Variants in TP63 observed in about 807,000 individuals in gnomAD.
TP63 encodes the protein tumor protein p63, also known as tumor protein 63.
Under a neutral mutation model 82.8 loss-of-function variants are expected in TP63, and 17 were observed. The observed-to-expected ratio is 0.21, with a 90% confidence interval of 0.14 to 0.31. The LOEUF (loss-of-function observed/expected upper bound fraction) is 0.31, where lower values mean the gene tolerates loss of function less well. Ranked by LOEUF, TP63 falls within the 10% of genes least tolerant of loss-of-function variation. TP63 has a pLI of 1.00. For missense variants in TP63, 648 were observed against 895.3 expected, an observed-to-expected ratio of 0.72 and a Z score of 3.52; for synonymous variants, 330 against 321.7, an observed-to-expected ratio of 1.03 and a Z score of -0.28.
chr3:189,720,234 AAAG>A (rs1719280135), intron 1 of TP63, among the ~76,000 whole-genome samples: 2 of 152,236 alleles, frequency 1.3e-5, no homozygotes, highest in African/African-American at 4.8e-5. Context: ...TACAGAAATC[AAAG>A]AACCAGGCCA....
intron 3 of TP63, among the ~76,000 whole-genome samples, chr3:189,757,725 G>A (rs73197825): frequency 0.18 from 27,633 of 152,096 alleles, 2,872 homozygotes; most frequent in Middle Eastern, 0.26. Flanking sequence ...ACAGGAGAGG[G>A]CTCCACCCCC....
intron 1 of TP63, among the ~76,000 whole-genome samples, chr3:189,679,604 T>G (rs970739334): frequency 3.3e-5 from 5 of 152,088 alleles, no homozygotes; most frequent in African/African-American, 1.2e-4. Context: ...CTGTTGATTG[T>G]TTTTTTACTG....
rs905737517 is a variant in TP63 at position 189,880,400 on chromosome 3, A to G, written c.1350-5994A>G. 5.7e-5 allele frequency: 66 copies of G among 1,156,306 alleles called. 1 individual carries two copies. The highest frequency in any genetic ancestry group is 6.6e-5 in the Non-Finnish European group (62 of 937,568). 71.6% of individuals were successfully genotyped at this position (1,156,306 alleles called of 1,614,324 possible). ...AAAGGATGTTTTCTGCAGATTTTGTATCCTTAGACCGGCCATTGGTGGGTG... is the reference window on the plus strand; with the variant it reads ...AAAGGATGTTTTCTGCAGATTTTGTGTCCTTAGACCGGCCATTGGTGGGTG... On this transcript the variant is annotated intron_variant, in intron 10 of 13. Transcript: ENST00000264731.
At chr3:189,893,094 A>G (rs1348522824) in intron 13 of TP63, among the ~76,000 whole-genome samples, 1 of 152,224 alleles carries the variant, frequency 6.6e-6, no homozygotes, top group African/African-American at 2.4e-5. Context: ...AATGTGACCT[A>G]AATTTGGGGA....
chr3:189,853,894 T>C (rs556378191), intron 4 of TP63, among the ~76,000 whole-genome samples: 8 of 152,210 alleles, frequency 5.3e-5, no homozygotes, highest in Non-Finnish European at 1.0e-4. Context: ...GGTTCCTTTA[T>C]ACCCAGTGTA....
chr3:189,746,989 A>G (rs1038641059), intron 3 of TP63, among the ~76,000 whole-genome samples: 11 of 136,442 alleles, frequency 8.1e-5, no homozygotes, highest in South Asian at 4.7e-4. Context: ...ATTTTAAGGG[A>G]AAAAAAAAAA....
At chr3:189,763,495 T>G (rs564221305) in intron 3 of TP63, among the ~76,000 whole-genome samples, 1 of 152,310 alleles carries the variant, frequency 6.6e-6, no homozygotes, top group Middle Eastern at 3.4e-3. Context: ...GATTTCTTAG[T>G]TTGTTATGGA....
chr3:189,730,609 T>C (rs1720094632), intron 1 of TP63, among the ~76,000 whole-genome samples: 2 of 152,198 alleles, frequency 1.3e-5, no homozygotes, highest in African/African-American at 4.8e-5. Context: ...AACGTAAAGA[T>C]CATCATGTAT....
rs1032508961 is a variant in TP63 at position 189,894,605 on chromosome 3, C to G, written c.*103C>G. 1 of 1,392,030 alleles carries G rather than the reference C, an allele frequency of 7.2e-7. No individual in the cohort carries two copies. The highest frequency in any genetic ancestry group is 1.4e-5 in the African/African-American group (1 of 70,196). 86.2% of individuals were successfully genotyped at this position (1,392,030 alleles called of 1,614,324 possible). On this transcript the variant is annotated 3_prime_UTR_variant, in exon 14 of 14. Coordinates refer to ENST00000264731, the MANE Select transcript of TP63 (RefSeq NM_003722.5). The stretch of plus-strand genomic sequence containing the variant: ...CTTCTCCCTAGCTCCTCCCCTTCCT[C>G]TTGTCTGATTTCTTAGGGGAAGGAG...
chr3:189,881,216 T>C (rs1719880185), intron 10 of TP63: 2 of 985,294 alleles, frequency 2.0e-6, no homozygotes, highest in African/African-American at 3.5e-5. Context: ...GCAGACGTGT[T>C]AAAATCAGCA....
intron 4 of TP63, among the ~76,000 whole-genome samples, chr3:189,810,822 T>G (rs1159285339): frequency 1.4e-5 from 2 of 143,502 alleles, no homozygotes; most frequent in African/African-American, 5.2e-5. Flanking sequence ...CACCACTACA[T>G]GTGATCTGCC....
At chr3:189,871,545 T>G (rs892312815) in intron 9 of TP63, among the ~76,000 whole-genome samples, 1 of 152,118 alleles carries the variant, frequency 6.6e-6, no homozygotes, top group African/African-American at 2.4e-5. Context: ...GTGGAGAACA[T>G]TTTTCATTTC....
intron 4 of TP63, among the ~76,000 whole-genome samples, chr3:189,825,488 G>A (rs1052565618): frequency 6.6e-6 from 1 of 152,154 alleles, no homozygotes; most frequent in Admixed American, 6.5e-5. Flanking sequence ...GAGAATTTAT[G>A]CAAAGAATAA....
intron 4 of TP63, among the ~76,000 whole-genome samples, chr3:189,819,443 C>G (rs892960916): frequency 1.3e-4 from 20 of 152,226 alleles, no homozygotes; most frequent in South Asian, 8.3e-4. Flanking sequence ...ATCCCTCCCC[C>G]CTTCCCTCAC....
In TP63 at chr3:189,890,198, G is replaced by T. The variant is rs532678538; in HGVS notation, c.1653-591G>T. On this transcript the variant is annotated intron_variant, in intron 12 of 13. Coordinates refer to ENST00000264731, the MANE Select transcript of TP63 (RefSeq NM_003722.5). ...GATTTTCCTGCTACGTCAATCACAG[G>T]GATGGCAAAGTGCGTGGCCTTTTCC... Among the ~76,000 whole-genome samples, 122 of 152,194 alleles carry T rather than the reference G, an allele frequency of 8.0e-4. 1 individual carries two copies. Among genetic ancestry groups the T allele is most frequent in the African/African-American group, 2.8e-3 (116 of 41,504 alleles).
chr3:189,810,859 C>CAAAAAA (rs11474103), intron 4 of TP63, among the ~76,000 whole-genome samples: 4 of 120,224 alleles, frequency 3.3e-5, no homozygotes, highest in Admixed American at 8.7e-5. Flanking sequence ...AGTCCGTCTC[C>CAAAAAA]AAAAAAAAAA....
chr3:189,608,375 G>T, the TP63 span, among the ~76,000 whole-genome samples: 1 of 152,116 alleles, frequency 6.6e-6, no homozygotes, highest in Non-Finnish European at 1.5e-5. Flanking sequence ...CTAGAATTGA[G>T]TTTTCTTGTG....
chr3:189,710,566 A>G (rs9832021), intron 1 of TP63, among the ~76,000 whole-genome samples: 140,023 of 152,210 alleles, frequency 0.92, 64,514 homozygotes, highest in African/African-American at 0.98. Context: ...TATCTTGCTG[A>G]TTTGTCCAAC....
intron 1 of TP63, among the ~76,000 whole-genome samples, chr3:189,634,674 A>T (rs1314367251): frequency 6.6e-6 from 1 of 152,144 alleles, no homozygotes; most frequent in South Asian, 2.1e-4. Context: ...AAATCACATT[A>T]CCATTTGAAT....
Sources: gnomAD v4.1 joint callset for allele counts (sites outside exome capture counted in the v4.1 genomes callset) on GRCh38, gnomAD v4.1.1 for gene constraint, MANE v1.5 for transcripts, NCBI Gene and HGNC (gene_info 2026-07-23, HGNC 2026-07-21) for gene names.